The following TAMM41 variants were observed in gnomAD, a reference collection of about 807,000 sequenced individuals.
TAMM41 encodes phosphatidate cytidylyltransferase, mitochondrial.
A neutral mutation model predicts 44.1 loss-of-function variants in TAMM41; 36 were observed. That is an observed-to-expected ratio of 0.82 (90% CI 0.63 to 1.08). The LOEUF (loss-of-function observed/expected upper bound fraction) is 1.08. Among genes scored for constraint, TAMM41 ranks in the 50% least tolerant of loss-of-function variants. The pLI is 0.00. For synonymous variants in TAMM41, 164 were observed against 153.1 expected, an observed-to-expected ratio of 1.07 and a Z score of -0.53; for missense variants, 417 against 404.3, an observed-to-expected ratio of 1.03 and a Z score of -0.27.
At chr3:11,729,256 C>T in the TAMM41 span, among the ~76,000 whole-genome samples, 2 of 152,066 alleles carry the variant, frequency 1.3e-5, no homozygotes, top group Non-Finnish European at 1.5e-5. Context: ...TATATTCTTG[C>T]TGTCTTTCCT....
the TAMM41 span, among the ~76,000 whole-genome samples, chr3:11,774,142 T>C: frequency 6.6e-6 from 1 of 152,142 alleles, no homozygotes; most frequent in South Asian, 2.1e-4. Context: ...CATCATCTTA[T>C]GCAAAGGAAG....
the TAMM41 span, among the ~76,000 whole-genome samples, chr3:11,773,167 G>A: frequency 6.6e-6 from 1 of 152,038 alleles, no homozygotes; most frequent in Non-Finnish European, 1.5e-5. Context: ...ATATGGGACA[G>A]GCTGGTCTCA....
chr3:11,766,767 A>C, the TAMM41 span, among the ~76,000 whole-genome samples: 1 of 149,704 alleles, frequency 6.7e-6, no homozygotes, highest in Non-Finnish European at 1.5e-5. Flanking sequence ...TGAGGGTCTC[A>C]CTTTGTTGCC....
the TAMM41 span, among the ~76,000 whole-genome samples, chr3:11,738,765 G>T: frequency 1.3e-5 from 2 of 152,206 alleles, no homozygotes; most frequent in Non-Finnish European, 2.9e-5. Context: ...TTCCTGACCA[G>T]CAGGAGACAT....
the TAMM41 span, among the ~76,000 whole-genome samples, chr3:11,752,780 C>T: frequency 6.6e-6 from 1 of 151,844 alleles, no homozygotes; most frequent in South Asian, 2.1e-4. Flanking sequence ...ACTGGGACTA[C>T]AGGTGCTATA....
At chr3:11,732,774 A>C in the TAMM41 span, among the ~76,000 whole-genome samples, 1 of 152,100 alleles carries the variant, frequency 6.6e-6, no homozygotes, top group Non-Finnish European at 1.5e-5. Flanking sequence ...CAGAAAGAAT[A>C]GCAAGCACAA....
chr3:11,807,599 A>C (rs896567536), intron 7 of TAMM41: 60 of 1,536,072 alleles, frequency 3.9e-5, no homozygotes, highest in Non-Finnish European at 5.1e-5. Flanking sequence ...GTCTCAGAAA[A>C]TTCAGAAGGG....
chr3:11,769,459 G>T, the TAMM41 span, among the ~76,000 whole-genome samples: 11 of 151,532 alleles, frequency 7.3e-5, no homozygotes, highest in East Asian at 2.1e-3. Context: ...GGGGTCAGCA[G>T]GCCAAAGGGT....
At chr3:11,814,161 G>C (rs1390898988) in intron 5 of TAMM41, among the ~76,000 whole-genome samples, 7 of 151,882 alleles carry the variant, frequency 4.6e-5, no homozygotes. Context: ...CTAGGTGACA[G>C]AGTGAAATCC....
chr3:11,800,615 C>G (rs1404333799), intron 7 of TAMM41, among the ~76,000 whole-genome samples: 3 of 149,600 alleles, frequency 2.0e-5, no homozygotes, highest in Non-Finnish European at 3.0e-5. Flanking sequence ...CAAAAGGGTA[C>G]AGCAAATCCT....
At chr3:11,784,796 CTTTTTTTTTTT>C in the TAMM41 span, among the ~76,000 whole-genome samples, 2 of 109,034 alleles carry the variant, frequency 1.8e-5, no homozygotes, top group Admixed American at 1.0e-4. Flanking sequence ...CTTTTCTTTT[CTTTTTTTTTTT>C]TTTTTTTTTT....
chr3:11,738,230 A>G, the TAMM41 span, among the ~76,000 whole-genome samples: 18 of 152,238 alleles, frequency 1.2e-4, no homozygotes, highest in Non-Finnish European at 2.2e-4. Flanking sequence ...ATCATGAGAA[A>G]GTAATTAGGA....
chr3:11,831,454 G>C (rs182327092), intron 3 of TAMM41, among the ~76,000 whole-genome samples: 3 of 152,212 alleles, frequency 2.0e-5, no homozygotes, highest in Non-Finnish European at 4.4e-5. Flanking sequence ...ACAAAGTAAA[G>C]GGTCTAGAAG....
intron 5 of TAMM41, among the ~76,000 whole-genome samples, chr3:11,812,065 T>C (rs1311283740): frequency 2.6e-5 from 4 of 152,104 alleles, no homozygotes; most frequent in African/African-American, 9.7e-5. Flanking sequence ...GTAGCTGGGA[T>C]TACAGGCGCA....
intron 4 of TAMM41, among the ~76,000 whole-genome samples, chr3:11,824,032 G>T (rs1031940169): frequency 6.6e-6 from 1 of 151,760 alleles, no homozygotes; most frequent in African/African-American, 2.4e-5. Flanking sequence ...TCACCATGTT[G>T]GCCAGACTGG....
At chr3:11,841,134 G>A (rs2079422218) in intron 2 of TAMM41, among the ~76,000 whole-genome samples, 1 of 135,938 alleles carries the variant, frequency 7.4e-6, no homozygotes, top group African/African-American at 2.8e-5. Flanking sequence ...CCATGCTGGA[G>A]TGCAGTGGCA....
the TAMM41 span, chr3:11,724,759 A>T: frequency 6.6e-6 from 1 of 152,190 alleles, no homozygotes; most frequent in African/African-American, 2.4e-5. Flanking sequence ...AAACATTGTA[A>T]AAAGGAAAAT....
chr3:11,758,375 G>C, the TAMM41 span, among the ~76,000 whole-genome samples: 1 of 152,110 alleles, frequency 6.6e-6, no homozygotes, highest in South Asian at 2.1e-4. Flanking sequence ...TTTTTGAGAC[G>C]GAGTCTCGCT....
chr3:11,728,085 C>T, the TAMM41 span, among the ~76,000 whole-genome samples: 2 of 151,818 alleles, frequency 1.3e-5, no homozygotes, highest in Non-Finnish European at 2.9e-5. Context: ...CCGTGCCCAG[C>T]CCCTGGCCTA....
Sources: gnomAD v4.1 joint callset for allele counts (sites outside exome capture counted in the v4.1 genomes callset) on GRCh38, gnomAD v4.1.1 for gene constraint, MANE v1.5 for transcripts, NCBI Gene and HGNC (gene_info 2026-07-23, HGNC 2026-07-21) for gene names.